ACAN: variants seen among roughly 807,000 people sequenced by gnomAD.
ACAN encodes the protein aggrecan.
ACAN carries 47 observed loss-of-function variants against 169.1 expected under a neutral mutation model. That is an observed-to-expected ratio of 0.28 (90% CI 0.22 to 0.35). The LOEUF (loss-of-function observed/expected upper bound fraction) is 0.35, where lower values mean the gene tolerates loss of function less well. ACAN is among the 10% of genes least tolerant of loss of function. The pLI, the probability that ACAN is intolerant of heterozygous loss-of-function variation, is 1.00. For synonymous variants in ACAN, 1,115 were observed against 1,112.2 expected (o/e 1.00, Z -0.05); for missense variants, 2,716 against 2,759.9 (o/e 0.98, Z 0.36).
chr15:88,835,401 A>C (rs960603741), intron 1 of ACAN, among the ~76,000 whole-genome samples: 1 of 152,108 alleles, frequency 6.6e-6, no homozygotes, highest in Non-Finnish European at 1.5e-5. Context: ...ACACAGACAC[A>C]CACATACACA....
intron 1 of ACAN, among the ~76,000 whole-genome samples, chr15:88,818,399 C>T: frequency 6.6e-6 from 1 of 152,168 alleles, no homozygotes; most frequent in Non-Finnish European, 1.5e-5. Flanking sequence ...AGAAAGAATA[C>T]TTTAGTGAGA....
intron 1 of ACAN, among the ~76,000 whole-genome samples, chr15:88,834,709 A>G (rs1441503323): frequency 6.6e-6 from 1 of 152,244 alleles, no homozygotes; most frequent in Non-Finnish European, 1.5e-5. Context: ...AACTCGGGGA[A>G]CATCACCAGG....
intron 1 of ACAN, among the ~76,000 whole-genome samples, chr15:88,815,483 C>CAGG (rs1292545306): frequency 6.6e-6 from 1 of 150,784 alleles, no homozygotes; most frequent in Non-Finnish European, 1.5e-5. Flanking sequence ...TGCTTGAACC[C>CAGG]AGGAGGAGGA....
At chr15:88,829,299 G>A (rs923991153) in intron 1 of ACAN, among the ~76,000 whole-genome samples, 2 of 152,176 alleles carry the variant, frequency 1.3e-5, no homozygotes, top group Admixed American at 1.3e-4. Context: ...CTTGCATGAT[G>A]ATCCCAATTT....
At position 88,857,968 on chromosome 15, in the gene ACAN, C is replaced by G. The variant is rs745908761; in HGVS notation, c.5383C>G (p.Leu1795Val). 1 of 1,613,910 alleles carries G rather than the reference C, an allele frequency of 6.2e-7. No homozygotes were observed. The highest frequency in any genetic ancestry group is 1.3e-5 in the African/African-American group (1 of 75,044). ...TGGAGAAACATCTGGGGTCCCTGATCTCAGTGGGCAGCCTTCAGGGTTACC... is the reference window on the plus strand; with the variant it reads ...TGGAGAAACATCTGGGGTCCCTGATGTCAGTGGGCAGCCTTCAGGGTTACC... Reference protein sequence around the residue: ...LSGETSGVPDLSGQPSGLPGF... With the variant: ...LSGETSGVPDVSGQPSGLPGF... Residue 1795 changes from leucine to valine, a missense_variant, in exon 12 of 19, where the codon CTC becomes GTC. By Grantham distance (32) the Leu-to-Val change is conservative. Around this residue, in one of 3 missense-constraint regions of ACAN, gnomAD observed 1,389 missense variants for 1,363.7 expected, o/e 1.02. Transcript: ENST00000560601.
rs777986316 is a variant in ACAN at position 88,841,699 on chromosome 15, T to G, written c.630-41T>G. On this transcript the variant is annotated intron_variant, in intron 4 of 18. Transcript: ENST00000560601. ...AAGGCAGAGGCCATGGGCTTCCCTTTGTCCCCTGAGTGTCACACCTCCATT... is the reference window on the plus strand; with the variant it reads ...AAGGCAGAGGCCATGGGCTTCCCTTGGTCCCCTGAGTGTCACACCTCCATT... 5.6e-6 allele frequency: 9 copies of G among 1,612,698 alleles called. 1 individual carries two copies. Among genetic ancestry groups the G allele is most frequent in the Middle Eastern group, 1.7e-4 (1 of 6,054 alleles).
chr15:88,806,413 C>A (rs1393543106), intron 1 of ACAN, among the ~76,000 whole-genome samples: 2 of 151,546 alleles, frequency 1.3e-5, no homozygotes, highest in African/African-American at 4.9e-5. Context: ...GTGCAGTGGC[C>A]CAATGTTGGC....
intron 5 of ACAN, among the ~76,000 whole-genome samples, chr15:88,842,637 G>T (rs972691295): frequency 2.0e-5 from 3 of 152,168 alleles, no homozygotes; most frequent in African/African-American, 7.2e-5. Context: ...GCCCCCTGCC[G>T]CATTCCCACC....
Position 88,849,836 on chromosome 15 carries a change from A to T in ACAN, c.2026+105A>T, listed in dbSNP as rs73465052. 7.0e-4 allele frequency: 1,031 copies of T among 1,466,412 alleles called. 3 individuals are homozygous for T. The African/African-American group carries it at 0.011, about 16-fold the overall frequency. 90.8% of individuals were successfully genotyped at this position (1,466,412 alleles called of 1,614,324 possible). A position where few individuals can be genotyped will look rare whatever the true frequency, so the allele number is the denominator to read the frequency against. On this transcript the variant is annotated intron_variant, in intron 10 of 18. Coordinates refer to ENST00000560601, the MANE Select transcript of ACAN (RefSeq NM_001369268.1). The surrounding 1 kb of genome is among the most constrained non-coding windows in gnomAD (Gnocchi z 5.1). ...CCAGTATCCCATCCATCAGAGCAAG[A>T]AAATGTCAGTCCCTCTGGGGCAGAG...
chr15:88,841,151 T>A (rs1315376249), intron 4 of ACAN, among the ~76,000 whole-genome samples: 1 of 150,316 alleles, frequency 6.7e-6, no homozygotes. Flanking sequence ...TCTCAAAAAA[T>A]AAAAGAACTG....
At chr15:88,854,127 T>C (rs533935324) in intron 11 of ACAN, among the ~76,000 whole-genome samples, 9 of 152,372 alleles carry the variant, frequency 5.9e-5, no homozygotes, top group South Asian at 2.1e-4. Context: ...TTTCAAATTG[T>C]CTGTAACAGA....
At chr15:88,860,505 AG>A in intron 13 of ACAN, 66 bp downstream of exon 13, 1 of 1,429,766 alleles carries the variant, frequency 7.0e-7, no homozygotes, top group South Asian at 1.2e-5. Flanking sequence ...CATCCCCCAA[AG>A]GGTCCCCAGG....
rs989523541 is a variant in ACAN, at chr15:88,858,449, G to A, written c.5864G>A (p.Gly1955Glu). 1.9e-6 allele frequency: 3 copies of A among 1,613,698 alleles called. No individual in the cohort carries two copies. Among genetic ancestry groups the A allele is most frequent in the African/African-American group, 2.7e-5 (2 of 75,054 alleles). ...CAGGCTCCAACAGCCCAAGAGGCAG[G>A]AGAAGGGCCTTCTGGCATTTTAGAA... ...VTQAPTAQEA[G>E]EGPSGILELS... Residue 1955 changes from glycine (G) to glutamate (E), a missense_variant, in exon 12 of 19, where the codon GGA becomes GAA. By Grantham distance (98) the Gly-to-Glu change is moderately conservative (BLOSUM62 -2). This residue lies in a region of ACAN where 1,389 missense variants were observed against 1,363.7 expected (regional missense o/e 1.02). Transcript: ENST00000560601. The surrounding 1 kb of genome is among the most constrained non-coding windows in gnomAD (Gnocchi z 4.0).
In ACAN at chr15:88,839,858, C is replaced by G. The variant is rs1183293286; in HGVS notation, c.455-154C>G. 3.9e-5 allele frequency among the ~76,000 whole-genome samples: 6 copies of G among 152,180 alleles called. No homozygotes were observed. Among genetic ancestry groups the G allele is most frequent in the African/African-American group, 1.2e-4 (5 of 41,440 alleles). ...GGTGTTCCAGCAAATTCAGAAGGAT[C>G]ACGTGCAAAGGTGTACAGGGAGTCA... On this transcript the variant is annotated intron_variant, in intron 3 of 18. Coordinates refer to ENST00000560601, the MANE Select transcript of ACAN (RefSeq NM_001369268.1). The surrounding 1 kb of genome is among the most constrained non-coding windows in gnomAD (Gnocchi z 4.5).
intron 11 of ACAN, among the ~76,000 whole-genome samples, chr15:88,853,610 C>T (rs1318166277): frequency 6.6e-6 from 1 of 152,030 alleles, no homozygotes; most frequent in African/African-American, 2.4e-5. Flanking sequence ...CGCACTGCAG[C>T]CTGGGCAACA....
In ACAN at chr15:88,860,353, C is replaced by A; in HGVS notation, c.6860C>A (p.Pro2287His). The A allele has an allele frequency of 6.2e-7, 1 of 1,613,056 alleles. No homozygotes were observed. Among genetic ancestry groups the A allele is most frequent in the Non-Finnish European group, 8.5e-7 (1 of 1,179,684 alleles). ...AAPARSCAEE[P>H]CGAGTCKETE... ...CCCGCCAGGTCCTGTGCAGAGGAGC[C>A]CTGTGGAGCTGGGACCTGCAAGGAG... Residue 2287 changes from proline (P) to histidine (H), a missense_variant, in exon 13 of 19, where the codon CCC (proline) becomes CAC (histidine). Pro to His is a moderately conservative substitution (Grantham distance 77). This residue lies in a region of ACAN where 1,389 missense variants were observed against 1,363.7 expected (regional missense o/e 1.02). Coordinates refer to ENST00000560601, the MANE Select transcript of ACAN (RefSeq NM_001369268.1).
intron 1 of ACAN, among the ~76,000 whole-genome samples, chr15:88,819,965 A>G (rs1241477364): frequency 6.6e-6 from 1 of 151,880 alleles, no homozygotes; most frequent in Non-Finnish European, 1.5e-5. Flanking sequence ...TGGCTCTACC[A>G]CTCACTGGCT....
chr15:88,843,413 G>A lies in ACAN; in HGVS notation c.816G>A (p.Glu272=). The change falls in exon 6 of 19, where the codon GAG becomes GAA. Residue 272 remains glutamate (E), a synonymous_variant. Coordinates refer to ENST00000560601, the MANE Select transcript of ACAN (RefSeq NM_001369268.1). The surrounding 1 kb of genome is among the most constrained non-coding windows in gnomAD (Gnocchi z 4.0). ...EKFTFQEAAN[E]CRRLGARLAT... ...TCACCTTCCAGGAAGCAGCCAATGAGTGCCGGCGGCTGGGTGCCCGGCTGG... is the reference window on the plus strand; with the variant it reads ...TCACCTTCCAGGAAGCAGCCAATGAATGCCGGCGGCTGGGTGCCCGGCTGG... 6.9e-6 allele frequency: 11 copies of A among 1,604,248 alleles called. No individual in the cohort carries two copies. The highest frequency in any genetic ancestry group is 1.3e-5 in the African/African-American group (1 of 74,820).
At chr15:88,842,583 C>T (rs1359242659) in intron 5 of ACAN, among the ~76,000 whole-genome samples, 1 of 150,210 alleles carries the variant, frequency 6.7e-6, no homozygotes, top group Non-Finnish European at 1.5e-5. Context: ...ACAACTGGCA[C>T]TTTCTGGGTG....
Sources: allele counts gnomAD v4.1 joint callset (sites outside exome capture counted in the v4.1 genomes callset), GRCh38; gene constraint gnomAD v4.1.1; regional missense constraint gnomAD v4.1.1; non-coding constraint Gnocchi (gnomAD v3.1); transcripts MANE v1.5; gene names NCBI Gene and HGNC (gene_info 2026-07-23, HGNC 2026-07-21).